CADM2: variants seen among roughly 807,000 people sequenced by gnomAD.
The protein encoded by CADM2 is immunoglobulin superfamily member 4D.
A neutral mutation model predicts 49.8 loss-of-function variants in CADM2; 12 were observed. That is an observed-to-expected ratio of 0.24 (90% confidence interval 0.15 to 0.39). The LOEUF is 0.39. Ranked by LOEUF, CADM2 falls within the 10% of genes least tolerant of loss-of-function variation. The probability of loss-of-function intolerance (pLI) is 1.00; values close to 1 mark genes in which losing one functional copy is unlikely to be tolerated. For missense variants in CADM2, 378 were observed against 492.3 expected, an observed-to-expected ratio of 0.77 and a Z score of 2.20; for synonymous variants, 214 against 175.4, an observed-to-expected ratio of 1.22 and a Z score of -1.74.
intron 1 of CADM2, among the ~76,000 whole-genome samples, chr3:85,560,576 C>T (rs753402499): frequency 1.4e-4 from 21 of 152,308 alleles, no homozygotes; most frequent in African/African-American, 5.1e-4. Context: ...GAAAAGTCAA[C>T]GCTAAAACTG....
chr3:85,145,469 CTTATA>C (rs758484764), intron 1 of CADM2, among the ~76,000 whole-genome samples: 2 of 151,374 alleles, frequency 1.3e-5, no homozygotes, highest in Non-Finnish European at 2.9e-5. Context: ...AAATCACAGT[CTTATA>C]TTATTTGCAA....
chr3:85,264,151 T>C (rs1009527402), intron 1 of CADM2, among the ~76,000 whole-genome samples: 3 of 152,098 alleles, frequency 2.0e-5, no homozygotes, highest in South Asian at 4.1e-4. Context: ...TTATGACAAG[T>C]GGCATTTCTT....
intron 8 of CADM2, among the ~76,000 whole-genome samples, chr3:85,965,497 G>A (rs76457976): frequency 6.6e-6 from 1 of 151,344 alleles, no homozygotes; most frequent in Non-Finnish European, 1.5e-5. Flanking sequence ...ACTTGCCCAT[G>A]AGTTGCATAC....
intron 3 of CADM2, among the ~76,000 whole-genome samples, chr3:85,834,223 T>G: frequency 6.6e-6 from 1 of 151,674 alleles, no homozygotes; most frequent in East Asian, 1.9e-4. Flanking sequence ...AAAATTATTA[T>G]ACTCTTATGG....
intron 1 of CADM2, among the ~76,000 whole-genome samples, chr3:85,059,335 A>C (rs1210198363): frequency 2.0e-5 from 3 of 151,908 alleles, no homozygotes; most frequent in Admixed American, 6.6e-5. Flanking sequence ...AAAAACAACT[A>C]TGCATTTCTC....
intron 1 of CADM2, among the ~76,000 whole-genome samples, chr3:85,717,118 CTA>C (rs751336452): frequency 1.1e-4 from 17 of 152,262 alleles, no homozygotes; most frequent in Non-Finnish European, 2.4e-4. Context: ...TTTATTCTTC[CTA>C]TCCATGAGCA....
chr3:85,332,362 T>TGTA (rs2044952278), intron 1 of CADM2, among the ~76,000 whole-genome samples: 1 of 152,012 alleles, frequency 6.6e-6, no homozygotes, highest in Non-Finnish European at 1.5e-5. Flanking sequence ...TTTAAAAATA[T>TGTA]AATGCATTAG....
chr3:85,454,693 A>T (rs1315837843), intron 1 of CADM2, among the ~76,000 whole-genome samples: 2 of 152,172 alleles, frequency 1.3e-5, no homozygotes, highest in Non-Finnish European at 2.9e-5. Context: ...AGCTAATCCA[A>T]TGATGCAAAC....
chr3:86,059,064 A>G (rs984203879), intron 8 of CADM2, among the ~76,000 whole-genome samples: 1 of 149,806 alleles, frequency 6.7e-6, no homozygotes, highest in African/African-American at 2.5e-5. Context: ...CCTGCACTTC[A>G]GCCTGGGTGA....
intron 1 of CADM2, among the ~76,000 whole-genome samples, chr3:85,548,352 G>A (rs531553488): frequency 6.1e-4 from 92 of 150,654 alleles, no homozygotes; most frequent in African/African-American, 2.1e-3. Flanking sequence ...ACATGCCATA[G>A]TCTAAGATGT....
At chr3:85,158,176 A>G (rs1010520326) in intron 1 of CADM2, among the ~76,000 whole-genome samples, 6 of 152,218 alleles carry the variant, frequency 3.9e-5, no homozygotes, top group African/African-American at 1.2e-4. Context: ...GCAATCATTA[A>G]AAAGTCAGGA....
At chr3:85,291,526 G>T (rs1292483093) in intron 1 of CADM2, among the ~76,000 whole-genome samples, 2 of 147,252 alleles carry the variant, frequency 1.4e-5, no homozygotes, top group Admixed American at 6.6e-5. Context: ...AAATGTTAAG[G>T]GCAGCCAGAG....
chr3:85,500,504 TA>T lies in CADM2; in HGVS notation c.62-226017del, dbSNP rs758806081. Among the ~76,000 whole-genome samples, 4 of 152,018 alleles carry T rather than the reference TA, an allele frequency of 2.6e-5. No homozygotes were observed. In the East Asian group the frequency reaches 5.8e-4, roughly 22 times the overall value. On this transcript the variant is annotated intron_variant, in intron 1 of 9. Coordinates refer to ENST00000383699, the MANE Select transcript of CADM2 (RefSeq NM_001167675.2). ...GATGAAATAAACTTCATTTCTGATATATTTTTTCATAGGTGGAATTTTTTTT... is the reference window on the plus strand; with the variant it reads ...GATGAAATAAACTTCATTTCTGATATTTTTTTCATAGGTGGAATTTTTTTT...
chr3:85,096,079 C>T (rs1575852681), intron 1 of CADM2, among the ~76,000 whole-genome samples: 1 of 151,888 alleles, frequency 6.6e-6, no homozygotes, highest in African/African-American at 2.4e-5. Context: ...AATTAAATTT[C>T]TTCTATAAGA....
At chr3:85,826,649 C>A (rs2108211253) in intron 3 of CADM2, among the ~76,000 whole-genome samples, 1 of 151,966 alleles carries the variant, frequency 6.6e-6, no homozygotes, top group Admixed American at 6.6e-5. Context: ...GAAGAATAAA[C>A]ATTTTTCTTT....
intron 8 of CADM2, among the ~76,000 whole-genome samples, chr3:86,017,444 T>C (rs1242576643): frequency 6.6e-6 from 1 of 152,058 alleles, no homozygotes; most frequent in Non-Finnish European, 1.5e-5. Flanking sequence ...AAGAAAAGTA[T>C]TTTTTGGCTG....
At chr3:85,179,122 T>C (rs2040860300) in intron 1 of CADM2, among the ~76,000 whole-genome samples, 1 of 151,988 alleles carries the variant, frequency 6.6e-6, no homozygotes, top group Admixed American at 6.6e-5. Context: ...GCTAGGCAAG[T>C]GTCTAGATGT....
intron 7 of CADM2, among the ~76,000 whole-genome samples, chr3:85,944,001 T>C (rs1480403016): frequency 6.6e-6 from 1 of 151,934 alleles, no homozygotes; most frequent in Non-Finnish European, 1.5e-5. Flanking sequence ...AGTCAAGACC[T>C]ATCAGTGTGC....
chr3:85,169,629 G>A (rs1307548881), intron 1 of CADM2, among the ~76,000 whole-genome samples: 1 of 151,946 alleles, frequency 6.6e-6, no homozygotes, highest in Non-Finnish European at 1.5e-5. Context: ...AAAATCTGCG[G>A]GGTGTGGTGG....
Sources: gnomAD v4.1 joint callset for allele counts (sites outside exome capture counted in the v4.1 genomes callset) on GRCh38, gnomAD v4.1.1 for gene constraint, MANE v1.5 for transcripts, NCBI Gene and HGNC (gene_info 2026-07-23, HGNC 2026-07-21) for gene names.